Variants in COMMD7 observed in about 807,000 individuals in gnomAD.
COMMD7 encodes the protein COMM domain containing 7.
COMMD7 carries 28 observed loss-of-function variants against 34.8 expected under a neutral mutation model. The ratio of observed to expected loss-of-function variants is 0.80; its 90% CI spans 0.60 to 1.10. COMMD7 has a LOEUF of 1.10. COMMD7 is among the 50% of genes least tolerant of loss of function. The pLI is 0.00. For missense variants in COMMD7, 211 were observed against 241.6 expected (o/e 0.87, Z 0.84); for synonymous variants, 80 against 86.4 (o/e 0.93, Z 0.41).
At chr20:32,738,484 G>A (rs989436059) in intron 1 of COMMD7, among the ~76,000 whole-genome samples, 1 of 152,130 alleles carries the variant, frequency 6.6e-6, no homozygotes, top group African/African-American at 2.4e-5. Context: ...CTACTTGGGA[G>A]GCTGAGGCAG....
At position 32,743,395 on chromosome 20, in the gene COMMD7, G is replaced by C. The variant is rs1601016776; in HGVS notation, c.-4C>G. On this transcript the variant is annotated 5_prime_UTR_variant, in exon 1 of 9. Coordinates refer to ENST00000278980, the MANE Select transcript of COMMD7 (RefSeq NM_053041.3). ...CAGTGCAGTGCAGGCGGCCCATGGC[G>C]CGCGCCCCAGCCCCGCAGGTTCCAC... 1 of 1,379,514 alleles carries C rather than the reference G, an allele frequency of 7.2e-7. No homozygotes were observed. The highest frequency in any genetic ancestry group is 3.6e-5 in the Admixed American group (1 of 27,928). The allele number at this position is 1,379,514 out of a possible 1,614,324, so 85.5% of individuals were successfully genotyped here.
rs1986337232 is a variant in COMMD7 at position 32,739,845 on chromosome 20, C to A, written c.84+3463G>T. On this transcript the variant is annotated intron_variant, in intron 1 of 8. Coordinates refer to ENST00000278980, the MANE Select transcript of COMMD7 (RefSeq NM_053041.3). ...CTACCCTGACCAACATGGCGAAAGC[C>A]CATCTCTACTAAAAATACAAGAAAA... Among the ~76,000 whole-genome samples the A allele has an allele frequency of 1.4e-5, 2 of 139,110 alleles. 1 individual carries two copies. The allele number at this position is 139,110 out of a possible 152,430, so 91.3% of individuals were successfully genotyped here.
At chr20:32,727,135 G>A (rs571940573) in intron 3 of COMMD7, among the ~76,000 whole-genome samples, 81 of 151,932 alleles carry the variant, frequency 5.3e-4, no homozygotes, top group African/African-American at 1.7e-3. Context: ...GTTGAGGCGG[G>A]AGGATCACTT....
At position 32,704,089 on chromosome 20, in the gene COMMD7, A is replaced by C. The variant is rs1983913729; in HGVS notation, c.478-18T>G. The stretch of plus-strand genomic sequence containing the variant: ...AACTTTAGCTGATGAAAGAAAAAGA[A>C]ATAATTTAAATTAAAATGATGACAA... On this transcript the variant is annotated intron_variant, in intron 7 of 8. Transcript: ENST00000278980. 6.4e-7 allele frequency: 1 copy of C among 1,557,264 alleles called. No individual in the cohort carries two copies. Among genetic ancestry groups the C allele is most frequent in the Non-Finnish European group, 8.8e-7 (1 of 1,141,940 alleles).
At chr20:32,726,359 G>GCACTC (rs1012564291) in intron 3 of COMMD7, among the ~76,000 whole-genome samples, 2 of 151,890 alleles carry the variant, frequency 1.3e-5, no homozygotes, top group Non-Finnish European at 2.9e-5. Context: ...ATTCTGCACT[G>GCACTC]CACTCCAGCC....
chr20:32,711,543 C>T (rs188294115), intron 3 of COMMD7, among the ~76,000 whole-genome samples: 17 of 152,206 alleles, frequency 1.1e-4, no homozygotes, highest in South Asian at 4.2e-4. Flanking sequence ...CATTCTCAGA[C>T]GCTATCTTGG....
chr20:32,728,885 C>G (rs1291242759), intron 1 of COMMD7, among the ~76,000 whole-genome samples: 2 of 152,082 alleles, frequency 1.3e-5, no homozygotes, highest in Non-Finnish European at 2.9e-5. Context: ...TTGGGTTCCC[C>G]CCACCCATAA....
chr20:32,710,617 T>C (rs757965227), intron 3 of COMMD7, among the ~76,000 whole-genome samples: 7 of 151,328 alleles, frequency 4.6e-5, no homozygotes, highest in Non-Finnish European at 7.4e-5. Context: ...TGGTCCCAGC[T>C]ACTCAGGAGG....
At chr20:32,721,257 G>T (rs1435420324) in intron 3 of COMMD7, among the ~76,000 whole-genome samples, 1 of 151,862 alleles carries the variant, frequency 6.6e-6, no homozygotes, top group Non-Finnish European at 1.5e-5. Context: ...GGACTGCTTG[G>T]GCCCAGGATC....
Position 32,728,121 on chromosome 20 carries a change from CCT to C in COMMD7, c.104_105del (p.Glu35GlyfsTer8), listed in dbSNP as rs771122481. On this transcript the variant is annotated frameshift_variant, in exon 2 of 9. Transcript: ENST00000278980. LOFTEE classifies it high-confidence loss of function. The part of the protein sequence containing the change: ...LGAQQFSALT[E>X]VLFHFLTEPK... ...GGCTCAGTTAGGAAGTGGAAAAGCA[CCT>C]CTGTCAGGGCTGAGAACTGCTGTGA... 4 of 1,614,076 alleles carry C rather than the reference CCT, an allele frequency of 2.5e-6. No individual in the cohort carries two copies. Among genetic ancestry groups the C allele is most frequent in the Non-Finnish European group, 1.7e-6 (2 of 1,180,012 alleles).
At chr20:32,719,681 G>A (rs943151870) in intron 3 of COMMD7, among the ~76,000 whole-genome samples, 4 of 151,964 alleles carry the variant, frequency 2.6e-5, no homozygotes, top group African/African-American at 9.7e-5. Context: ...ATAAAACTTA[G>A]GAGGCTTTGG....
intron 3 of COMMD7, among the ~76,000 whole-genome samples, chr20:32,714,811 G>A (rs987531970): frequency 3.9e-5 from 4 of 103,608 alleles, no homozygotes; most frequent in Non-Finnish European, 8.8e-5. Flanking sequence ...GCAACAGAGT[G>A]AGACTCCATC....
intron 1 of COMMD7, among the ~76,000 whole-genome samples, chr20:32,741,393 T>C (rs1986435390): frequency 1.3e-5 from 1 of 76,138 alleles, no homozygotes; most frequent in South Asian, 4.2e-4. Flanking sequence ...AACTAGAAAG[T>C]TGTTTTTTTT....
intron 1 of COMMD7, among the ~76,000 whole-genome samples, chr20:32,733,071 AC>A (rs1230622048): frequency 6.6e-6 from 1 of 150,682 alleles, no homozygotes; most frequent in East Asian, 2.0e-4. Context: ...CCCCGTCTCT[AC>A]TAAAAATACA....
chr20:32,738,964 C>A (rs751097086), intron 1 of COMMD7, among the ~76,000 whole-genome samples: 4 of 152,140 alleles, frequency 2.6e-5, no homozygotes, highest in African/African-American at 7.2e-5. Flanking sequence ...CTCCTGTCTA[C>A]ATGACTTTAA....
chr20:32,707,615 C>G (rs1984177657), intron 3 of COMMD7, among the ~76,000 whole-genome samples: 1 of 152,062 alleles, frequency 6.6e-6, no homozygotes, highest in East Asian at 2.0e-4. Context: ...AGCCACCATG[C>G]CTGGCACATA....
At chr20:32,731,724 G>C (rs1293365638) in intron 1 of COMMD7, among the ~76,000 whole-genome samples, 1 of 152,160 alleles carries the variant, frequency 6.6e-6, no homozygotes, top group Non-Finnish European at 1.5e-5. Flanking sequence ...TACTGTAAGT[G>C]CACAGTATTT....
At chr20:32,712,529 G>C (rs1312477458) in intron 3 of COMMD7, among the ~76,000 whole-genome samples, 1 of 150,120 alleles carries the variant, frequency 6.7e-6, no homozygotes, top group South Asian at 2.1e-4. Flanking sequence ...AAAAAACCTA[G>C]GTGATGGGTT....
intron 1 of COMMD7, among the ~76,000 whole-genome samples, chr20:32,737,641 CAACA>C (rs1399068883): frequency 1.3e-5 from 2 of 151,014 alleles, no homozygotes; most frequent in African/African-American, 2.4e-5. Context: ...CCAACCTAGG[CAACA>C]AACAGTGACC....
Sources: gnomAD v4.1 joint callset for allele counts (sites outside exome capture counted in the v4.1 genomes callset) on GRCh38, gnomAD v4.1.1 for gene constraint, MANE v1.5 for transcripts, NCBI Gene and HGNC (gene_info 2026-07-23, HGNC 2026-07-21) for gene names.